GADL1: variants seen among roughly 807,000 people sequenced by gnomAD.
GADL1 encodes acidic amino acid decarboxylase GADL1.
A neutral mutation model predicts 69.5 loss-of-function variants in GADL1; 71 were observed. The observed-to-expected ratio is 1.02, with a 90% CI of 0.84 to 1.25. GADL1 has a LOEUF of 1.25. Among genes scored for constraint, GADL1 ranks in the 50% most tolerant of loss-of-function variants. GADL1 has a pLI of 0.00. For synonymous variants in GADL1, 254 were observed against 214.4 expected (o/e 1.18, Z -1.62); for missense variants, 737 against 631.8 (o/e 1.17, Z -1.79).
intron 3 of GADL1, among the ~76,000 whole-genome samples, chr3:30,855,790 G>C (rs1485772775): frequency 6.6e-6 from 1 of 151,674 alleles, no homozygotes; most frequent in Non-Finnish European, 1.5e-5. Flanking sequence ...TTAATTTGGT[G>C]ACCTCTCATT....
chr3:30,782,165 C>T (rs1299379161), intron 13 of GADL1, among the ~76,000 whole-genome samples: 2 of 152,146 alleles, frequency 1.3e-5, no homozygotes, highest in African/African-American at 4.8e-5. Flanking sequence ...TACTTGGAAG[C>T]TTGGGCTTGA....
chr3:30,774,907 G>A (rs1361641564), intron 14 of GADL1, among the ~76,000 whole-genome samples: 2 of 152,088 alleles, frequency 1.3e-5, no homozygotes, highest in East Asian at 1.9e-4. Context: ...GAGGTAAAGA[G>A]GGGCTTGACG....
chr3:30,768,565 GT>G lies in GADL1; in HGVS notation c.1392+9613del, dbSNP rs147542822. 0.024 allele frequency among the ~76,000 whole-genome samples: 2,342 copies of G among 98,348 alleles called. 126 individuals carry two copies. In the East Asian group the frequency reaches 0.25, roughly 10 times the overall value. The allele number at this position is 98,348 out of a possible 152,430, so 64.5% of individuals were successfully genotyped here. ...AGGAGAAGAGGGGGAGAGAGAAGGG[GT>G]GGGGAGGGGGAGGAGAGGCGGAGAA... is the stretch of plus-strand genomic sequence containing the variant. On this transcript the variant is annotated intron_variant, in intron 14 of 14. Transcript: ENST00000282538.
chr3:30,828,185 GTACT>G, intron 11 of GADL1, among the ~76,000 whole-genome samples: 1 of 151,934 alleles, frequency 6.6e-6, no homozygotes, highest in South Asian at 2.1e-4. Flanking sequence ...AAAGAAAAAT[GTACT>G]TTCTTTCCTT....
chr3:30,757,027 C>T (rs900121848), intron 14 of GADL1, among the ~76,000 whole-genome samples: 1 of 152,142 alleles, frequency 6.6e-6, no homozygotes, highest in Non-Finnish European at 1.5e-5. Context: ...TTCAGCATTA[C>T]CCCTCAGCTT....
At chr3:30,830,086 C>T (rs559052968) in intron 11 of GADL1, among the ~76,000 whole-genome samples, 45 of 151,896 alleles carry the variant, frequency 3.0e-4, no homozygotes, top group African/African-American at 1.1e-3. Context: ...AATATGGCAC[C>T]TTGGAGGTCA....
intron 4 of GADL1, among the ~76,000 whole-genome samples, 194 bp from the exon 5 acceptor site, chr3:30,851,135 G>A (rs1408203683): frequency 2.0e-5 from 3 of 152,158 alleles, no homozygotes. Context: ...AATGCCAATA[G>A]CTTGTGGCCT....
chr3:30,764,756 C>T (rs1304636183), intron 14 of GADL1, among the ~76,000 whole-genome samples: 8 of 152,196 alleles, frequency 5.3e-5, no homozygotes, highest in Admixed American at 5.2e-4. Flanking sequence ...TTCTAGTCCA[C>T]CTCGGTATAC....
At chr3:30,833,539 A>C (rs1019276677) in intron 11 of GADL1, among the ~76,000 whole-genome samples, 4 of 152,100 alleles carry the variant, frequency 2.6e-5, no homozygotes, top group African/African-American at 9.7e-5. Flanking sequence ...TTAATCAAGG[A>C]GAAAAAAATC....
chr3:30,828,460 C>A (rs534741550), intron 11 of GADL1, among the ~76,000 whole-genome samples: 1 of 130,266 alleles, frequency 7.7e-6, no homozygotes, highest in Non-Finnish European at 1.7e-5. Context: ...TTCTGCTACT[C>A]CTTCTCCAAA....
At chr3:30,761,369 T>C (rs1021359610) in intron 14 of GADL1, among the ~76,000 whole-genome samples, 2 of 152,162 alleles carry the variant, frequency 1.3e-5, no homozygotes, top group Non-Finnish European at 2.9e-5. Context: ...ACCAAATATA[T>C]GTGGGACTTA....
At chr3:30,794,046 G>A (rs1696976784) in intron 12 of GADL1, among the ~76,000 whole-genome samples, 1 of 152,178 alleles carries the variant, frequency 6.6e-6, no homozygotes, top group East Asian at 1.9e-4. Flanking sequence ...AAGATAAAAT[G>A]AAAACAAAGA....
chr3:30,791,427 C>CT (rs1696912372), intron 12 of GADL1, among the ~76,000 whole-genome samples: 1 of 152,146 alleles, frequency 6.6e-6, no homozygotes, highest in Admixed American at 6.5e-5. Context: ...CTAAGCCTTC[C>CT]TGAGCCTGCC....
intron 14 of GADL1, among the ~76,000 whole-genome samples, chr3:30,768,388 G>C (rs547144222): frequency 3.5e-4 from 53 of 152,260 alleles, no homozygotes; most frequent in African/African-American, 1.3e-3. Context: ...ATTTTCAGGA[G>C]TTTGGTCCAA....
At chr3:30,767,736 T>C (rs1559493748) in intron 14 of GADL1, among the ~76,000 whole-genome samples, 2 of 152,086 alleles carry the variant, frequency 1.3e-5, no homozygotes, top group African/African-American at 2.4e-5. Flanking sequence ...TTTGAATACA[T>C]AAAAAATTTA....
intron 12 of GADL1, among the ~76,000 whole-genome samples, chr3:30,791,098 G>T (rs1471061083): frequency 6.6e-6 from 1 of 152,038 alleles, no homozygotes; most frequent in Non-Finnish European, 1.5e-5. Context: ...TGCAATGAGG[G>T]TGTGTGGTTT....
intron 1 of GADL1, among the ~76,000 whole-genome samples, chr3:30,880,668 A>G (rs560405043): frequency 6.6e-6 from 1 of 151,970 alleles, no homozygotes; most frequent in Admixed American, 6.6e-5. Flanking sequence ...TACATATGCA[A>G]ATACTATGCC....
intron 9 of GADL1, among the ~76,000 whole-genome samples, chr3:30,836,115 A>G (rs1262977206): frequency 1.3e-5 from 2 of 152,034 alleles, no homozygotes; most frequent in Non-Finnish European, 2.9e-5. Flanking sequence ...CCTCTCTGAG[A>G]ACCTATCAGT....
At chr3:30,791,213 C>T (rs1186427343) in intron 12 of GADL1, among the ~76,000 whole-genome samples, 1 of 152,108 alleles carries the variant, frequency 6.6e-6, no homozygotes, top group Non-Finnish European at 1.5e-5. Context: ...GAATATACTT[C>T]CTACCTATAG....
Sources: allele counts gnomAD v4.1 joint callset (sites outside exome capture counted in the v4.1 genomes callset), GRCh38; gene constraint gnomAD v4.1.1; transcripts MANE v1.5; gene names NCBI Gene and HGNC (gene_info 2026-07-23, HGNC 2026-07-21).